The following PRRX2 variants were observed in gnomAD, a reference collection of about 807,000 sequenced individuals.
PRRX2 encodes the protein paired mesoderm homeobox protein 2.
A neutral mutation model predicts 18.0 loss-of-function variants in PRRX2; 11 were observed. The ratio of observed to expected loss-of-function variants is 0.61; its 90% CI spans 0.39 to 1.01. The LOEUF (loss-of-function observed/expected upper bound fraction) is 1.01, where lower values mean the gene tolerates loss of function less well. PRRX2 is among the 50% of genes least tolerant of loss of function. PRRX2 has a pLI of 0.01. For missense variants in PRRX2, 387 were observed against 351.0 expected, an observed-to-expected ratio of 1.10 and a Z score of -0.82; for synonymous variants, 177 against 154.8, an observed-to-expected ratio of 1.14 and a Z score of -1.06.
chr9:129,705,502 G>C (rs1265899934), intron 1 of PRRX2, among the ~76,000 whole-genome samples: 1 of 152,042 alleles, frequency 6.6e-6, no homozygotes, highest in Non-Finnish European at 1.5e-5. Flanking sequence ...TTACAGGCAG[G>C]TGCCACCATG....
At chr9:129,669,905 C>T (rs775125361) in intron 1 of PRRX2, among the ~76,000 whole-genome samples, 11 of 151,592 alleles carry the variant, frequency 7.3e-5, no homozygotes, top group South Asian at 4.2e-4. Flanking sequence ...GCATTAAGTC[C>T]GTTCACATTG....
chr9:129,704,116 T>C (rs1832531493), intron 1 of PRRX2, among the ~76,000 whole-genome samples: 3 of 152,228 alleles, frequency 2.0e-5, no homozygotes, highest in Admixed American at 2.0e-4. Flanking sequence ...ATGCAAACTT[T>C]TCTGCACGCC....
chr9:129,714,485 C>T (rs1564155233), intron 1 of PRRX2, among the ~76,000 whole-genome samples: 1 of 152,032 alleles, frequency 6.6e-6, no homozygotes, highest in African/African-American at 2.4e-5. Flanking sequence ...TGGGTGGCCA[C>T]ACGTGGAGCA....
At chr9:129,701,340 A>G (rs1035384226) in intron 1 of PRRX2, among the ~76,000 whole-genome samples, 8 of 152,230 alleles carry the variant, frequency 5.3e-5, no homozygotes, top group African/African-American at 1.9e-4. Flanking sequence ...CACCAACGCG[A>G]TAGCTGATGT....
intron 1 of PRRX2, among the ~76,000 whole-genome samples, chr9:129,716,188 CTGTCCTAAATATACACTGGCA>C (rs1832704919): frequency 6.6e-6 from 1 of 152,190 alleles, no homozygotes; most frequent in Admixed American, 6.5e-5. Context: ...TTCTAGGAAT[CTGTCCTAAATATACACTGGCA>C]AAAATAGAAA....
In PRRX2 at chr9:129,675,073, T is replaced by C. The variant is rs1043420432; in HGVS notation, c.259+8947T>C. Reference sequence around the variant, plus strand: ...AGTTTACCCGAGTGGAAAGCGGTCCTCTCGAGGGGACAGAGAGGCCGGGCA... The same window carrying C: ...AGTTTACCCGAGTGGAAAGCGGTCCCCTCGAGGGGACAGAGAGGCCGGGCA... On this transcript the variant is annotated intron_variant, in intron 1 of 3. Coordinates refer to ENST00000372469, the MANE Select transcript of PRRX2 (RefSeq NM_016307.4). This position sits in a 1 kb window ranked among gnomAD's most constrained non-coding sequence, Gnocchi z 4.4. 6.6e-6 allele frequency among the ~76,000 whole-genome samples: 1 copy of C among 152,108 alleles called. No individual in the cohort carries two copies. The highest frequency in any genetic ancestry group is 2.4e-5 in the African/African-American group (1 of 41,416).
At chr9:129,711,562 C>T (rs998503822) in intron 1 of PRRX2, among the ~76,000 whole-genome samples, 5 of 152,020 alleles carry the variant, frequency 3.3e-5, no homozygotes, top group African/African-American at 9.7e-5. Flanking sequence ...CACACCACCA[C>T]ACCCAGTTAA....
In PRRX2 at chr9:129,720,773, A is replaced by G; in HGVS notation, c.625A>G (p.Ser209Gly). Reference sequence around the variant, plus strand: ...CTCCTGGACAGCCTCGTCCCCCTACAGGTGAGAGCGGGAACACCTTTGGGC... The same window carrying G: ...CTCCTGGACAGCCTCGTCCCCCTACGGGTGAGAGCGGGAACACCTTTGGGC... ...YLSWTASSPY[S>G]TVPPYSPGSS... is the part of the protein sequence containing the mutation. The change falls in exon 3 of 4, where the codon AGC (serine) becomes GGC (glycine). Residue 209 changes from serine (S) to glycine (G), a missense_variant and splice_region_variant. By Grantham distance (56) the Ser-to-Gly change is moderately conservative. Coordinates refer to ENST00000372469, the MANE Select transcript of PRRX2 (RefSeq NM_016307.4). 1 of 1,571,592 alleles carries G rather than the reference A, an allele frequency of 6.4e-7. No individual in the cohort carries two copies.
At chr9:129,713,568 A>G (rs1832658925) in intron 1 of PRRX2, among the ~76,000 whole-genome samples, 1 of 152,076 alleles carries the variant, frequency 6.6e-6, no homozygotes, top group Admixed American at 6.5e-5. Context: ...GGCCCCGTGA[A>G]GAGGGGTTCG....
chr9:129,686,888 T>A (rs777043616), intron 1 of PRRX2, among the ~76,000 whole-genome samples: 15 of 150,384 alleles, frequency 1.0e-4, no homozygotes, highest in East Asian at 9.8e-4. Context: ...AGCGGGGGAG[T>A]GGGGTCTGGG....
chr9:129,687,180 G>A (rs1390952095), intron 1 of PRRX2, among the ~76,000 whole-genome samples: 1 of 152,124 alleles, frequency 6.6e-6, no homozygotes, highest in Non-Finnish European at 1.5e-5. Context: ...TTGGGGCCAG[G>A]AGTTCAAGAC....
chr9:129,678,369 A>G (rs1040675656), intron 1 of PRRX2, among the ~76,000 whole-genome samples: 1 of 152,138 alleles, frequency 6.6e-6, no homozygotes, highest in Non-Finnish European at 1.5e-5. Flanking sequence ...TTGAGCACCT[A>G]CTGCACGCCA....
At position 129,719,164 on chromosome 9, in the gene PRRX2, G is replaced by C. The variant is rs141641901; in HGVS notation, c.260-67G>C. On this transcript the variant is annotated intron_variant, in intron 1 of 3. Transcript: ENST00000372469. ...AGCACTCAGAGCAAACTGCAGAGTT[G>C]GGGGCTGAACTGTGACTGTAGCCAC... 194 of 1,403,388 alleles carry C rather than the reference G, an allele frequency of 1.4e-4. No individual in the cohort carries two copies. The African/African-American group carries it at 2.6e-3, about 19-fold the overall frequency. The allele number at this position is 1,403,388 out of a possible 1,614,324, so 86.9% of individuals were successfully genotyped here. A position where few individuals can be genotyped will look rare whatever the true frequency, so the allele number is the denominator to read the frequency against.
At chr9:129,717,432 C>T (rs1408479461) in intron 1 of PRRX2, among the ~76,000 whole-genome samples, 1 of 116,846 alleles carries the variant, frequency 8.6e-6, no homozygotes, top group Non-Finnish European at 1.7e-5. Context: ...CATGGTGGCT[C>T]ACACCTGTAA....
rs1832325203 is a variant in PRRX2 at position 129,688,853 on chromosome 9, C to T, written c.259+22727C>T. On this transcript the variant is annotated intron_variant, in intron 1 of 3. Transcript: ENST00000372469. ...ACTCTCTTCACCAGTTCACACAGCA[C>T]CACCCTCTGGTTGGGTGGCTCTAGG... is the stretch of plus-strand genomic sequence containing the variant. Among the ~76,000 whole-genome samples the T allele has an allele frequency of 2.6e-5, 4 of 152,220 alleles. No homozygotes were observed. The South Asian group carries it at 8.3e-4, about 31-fold the overall frequency.
chr9:129,666,131 G>A lies in PRRX2; in HGVS notation c.259+5G>A. 9.9e-7 allele frequency: 1 copy of A among 1,009,178 alleles called. No individual in the cohort carries two copies. Among genetic ancestry groups the A allele is most frequent in the Non-Finnish European group, 1.2e-6 (1 of 847,238 alleles). 62.5% of individuals were successfully genotyped at this position (1,009,178 alleles called of 1,614,324 possible). ...GCGAGGCGGCGCCGCAGGATGGTGA[G>A]TACGGCCGGCCAGGGACGGGGGTGG... On this transcript the variant is annotated splice_donor_5th_base_variant and intron_variant, in intron 1 of 3. Coordinates refer to ENST00000372469, the MANE Select transcript of PRRX2 (RefSeq NM_016307.4).
At chr9:129,670,307 C>G (rs192044320) in intron 1 of PRRX2, among the ~76,000 whole-genome samples, 129 of 152,084 alleles carry the variant, frequency 8.5e-4, no homozygotes, top group Admixed American at 1.6e-3. Flanking sequence ...CAAGTCCCTG[C>G]TTTTAATGAT....
At chr9:129,718,292 AC>A (rs1345833099) in intron 1 of PRRX2, among the ~76,000 whole-genome samples, 4 of 151,698 alleles carry the variant, frequency 2.6e-5, no homozygotes, top group Non-Finnish European at 1.5e-5. Flanking sequence ...GATCCTTCAA[AC>A]CCTTTGCAAG....
chr9:129,665,917 C>T lies in PRRX2; in HGVS notation c.50C>T (p.Pro17Leu). Reference sequence around the variant, plus strand: ...GCCCTGGACAAGCCGGCGCTGGGCCCGGGGCCGCCGCCGCCTCCACCCGCG... The same window carrying T: ...GCCCTGGACAAGCCGGCGCTGGGCCTGGGGCCGCCGCCGCCTCCACCCGCG... ...AFALDKPALG[P>L]GPPPPPPALG... Residue 17 changes from proline (P) to leucine (L), a missense_variant, in exon 1 of 4, where the codon CCG becomes CTG. Coordinates refer to ENST00000372469, the MANE Select transcript of PRRX2 (RefSeq NM_016307.4). This position sits in a 1 kb window ranked among gnomAD's most constrained non-coding sequence, Gnocchi z 5.3. 3 of 1,113,294 alleles carry T rather than the reference C, an allele frequency of 2.7e-6. No individual in the cohort carries two copies. The highest frequency in any genetic ancestry group is 3.3e-6 in the Non-Finnish European group (3 of 913,510). The allele number at this position is 1,113,294 out of a possible 1,614,324, so 69.0% of individuals were successfully genotyped here. A position where few individuals can be genotyped will look rare whatever the true frequency, so the allele number is the denominator to read the frequency against.
Sources: allele counts gnomAD v4.1 joint callset (sites outside exome capture counted in the v4.1 genomes callset), GRCh38; gene constraint gnomAD v4.1.1; non-coding constraint Gnocchi (gnomAD v3.1); transcripts MANE v1.5; gene names NCBI Gene and HGNC (gene_info 2026-07-23, HGNC 2026-07-21).